The following FGF13 variants were observed in gnomAD, a reference collection of about 807,000 sequenced individuals.
FGF13 encodes the protein fibroblast growth factor 13.
FGF13 carries 2 observed loss-of-function variants against 19.5 expected under a neutral mutation model. The observed-to-expected ratio is 0.10, with a 90% CI of 0.04 to 0.32. FGF13 has a LOEUF of 0.32. Among genes scored for constraint, FGF13 ranks in the 10% least tolerant of loss-of-function variants. The probability of loss-of-function intolerance (pLI) is 1.00; values close to 1 mark genes in which losing one functional copy is unlikely to be tolerated. For synonymous variants in FGF13, 72 were observed against 76.9 expected (o/e 0.94, Z 0.33); for missense variants, 113 against 192.7 (o/e 0.59, Z 2.45).
At chrX:138,768,737 T>TATATATATAA (rs2090522686) in intron 3 of FGF13, among the ~76,000 whole-genome samples, 2 of 97,593 alleles carry the variant, frequency 2.0e-5, no homozygotes, top group African/African-American at 8.6e-5. Context: ...TATATATATA[T>TATATATATAA]GATATATATA....
At chrX:138,693,066 T>C (rs2089855420) in intron 3 of FGF13, among the ~76,000 whole-genome samples, 1 of 111,677 alleles carries the variant, frequency 9.0e-6, no homozygotes, top group African/African-American at 3.3e-5. Flanking sequence ...TTACCCATTT[T>C]TGTTATTTTC....
upstream of FGF13, among the ~76,000 whole-genome samples, chrX:138,743,724 C>T (rs1163100024): frequency 9.0e-6 from 1 of 111,366 alleles, no homozygotes; most frequent in African/African-American, 3.3e-5. Context: ...TACTGGGTAC[C>T]TAATATATTC....
At chrX:139,032,666 CA>C (rs1176298983) in intron 1 of FGF13, among the ~76,000 whole-genome samples, 1 of 110,731 alleles carries the variant, frequency 9.0e-6, no homozygotes, top group African/African-American at 3.3e-5. Flanking sequence ...AGGCATCAAC[CA>C]AGTCACTGAG....
intron 1 of FGF13, among the ~76,000 whole-genome samples, chrX:138,720,449 G>A (rs2090139892): frequency 9.0e-6 from 1 of 111,683 alleles, no homozygotes; most frequent in African/African-American, 3.3e-5. Flanking sequence ...GAGTGGTGGA[G>A]TCAGAATTTA....
At chrX:138,750,183 C>T (rs1001044738) in intron 3 of FGF13, among the ~76,000 whole-genome samples, 2 of 111,086 alleles carry the variant, frequency 1.8e-5, no homozygotes, top group African/African-American at 6.6e-5. Flanking sequence ...GATTGGGCAA[C>T]AGGATGGTTG....
chrX:138,778,645 G>A (rs1379682952), intron 3 of FGF13, among the ~76,000 whole-genome samples: 6 of 112,237 alleles, frequency 5.3e-5, no homozygotes, highest in African/African-American at 1.3e-4. Context: ...AATATATCCC[G>A]CACCTGGCTC....
intron 1 of FGF13, among the ~76,000 whole-genome samples, chrX:138,891,284 C>CA (rs952696454): frequency 1.1e-4 from 12 of 110,678 alleles, no homozygotes; most frequent in Non-Finnish European, 1.5e-4. Context: ...GACTCCGACT[C>CA]AAAAAACAGA....
intron 3 of FGF13, among the ~76,000 whole-genome samples, chrX:138,681,559 T>C (rs927887958): frequency 8.8e-6 from 1 of 113,193 alleles, no homozygotes; most frequent in African/African-American, 3.2e-5. Context: ...GTAGCACTTT[T>C]ACTTTCCTTC....
intron 1 of FGF13, among the ~76,000 whole-genome samples, chrX:139,058,314 A>G (rs1426876786): frequency 8.9e-6 from 1 of 111,900 alleles, no homozygotes; most frequent in African/African-American, 3.2e-5. Flanking sequence ...AGATATTTTA[A>G]ATATAAAAGA....
intron 3 of FGF13, among the ~76,000 whole-genome samples, chrX:138,672,282 GGA>G (rs1569360230): frequency 9.0e-6 from 1 of 111,623 alleles, no homozygotes; most frequent in Non-Finnish European, 1.9e-5. Context: ...CACAAAGTGG[GGA>G]GGCATAAGGA....
At chrX:138,713,059 C>T (rs17497235), upstream of FGF13, among the ~76,000 whole-genome samples, 1 of 112,460 alleles carries the variant, frequency 8.9e-6, no homozygotes, top group Non-Finnish European at 1.9e-5. Flanking sequence ...CACTGTGTGT[C>T]TGCAAGGCAG....
At chrX:138,921,995 A>AAT (rs1205267033) in intron 1 of FGF13, among the ~76,000 whole-genome samples, 1 of 104,991 alleles carries the variant, frequency 9.5e-6, no homozygotes, top group African/African-American at 3.4e-5. Context: ...AAAACAACAA[A>AAT]ACAACAACAA....
chrX:139,118,461 C>T (rs2083654970), intron 1 of FGF13, among the ~76,000 whole-genome samples: 1 of 111,388 alleles, frequency 9.0e-6, no homozygotes, highest in East Asian at 2.8e-4. Flanking sequence ...GGAGACTCCA[C>T]AAAAGAGGAA....
At chrX:139,159,306 C>T (rs771821624) in intron 1 of FGF13, among the ~76,000 whole-genome samples, 1 of 111,979 alleles carries the variant, frequency 8.9e-6, no homozygotes, top group Admixed American at 9.5e-5. Context: ...GCAGGTCTGC[C>T]TTACAAGAGT....
intron 2 of FGF13, among the ~76,000 whole-genome samples, chrX:138,861,058 A>G (rs2091285880): frequency 8.9e-6 from 1 of 112,594 alleles, no homozygotes; most frequent in Admixed American, 9.4e-5. Context: ...GTTATAAGCA[A>G]CTTTTATAAA....
chrX:138,850,680 T>C (rs888243500), intron 3 of FGF13, among the ~76,000 whole-genome samples: 2 of 112,072 alleles, frequency 1.8e-5, no homozygotes, highest in Non-Finnish European at 3.8e-5. Flanking sequence ...AATAAAAAGG[T>C]TGAGAACAAA....
intron 1 of FGF13, among the ~76,000 whole-genome samples, chrX:138,933,420 T>C (rs1281799691): frequency 8.9e-6 from 1 of 111,845 alleles, no homozygotes; most frequent in African/African-American, 3.3e-5. Context: ...TTCTGTAGTG[T>C]AGACTGGGAG....
At chrX:139,184,092 G>C (rs1031003019) in intron 1 of FGF13, among the ~76,000 whole-genome samples, 4 of 112,255 alleles carry the variant, frequency 3.6e-5, no homozygotes, top group African/African-American at 1.3e-4. Flanking sequence ...TGGTATGCTT[G>C]AATTTGCAAA....
intron 3 of FGF13, among the ~76,000 whole-genome samples, chrX:138,641,955 T>A (rs2089255460): frequency 9.0e-6 from 1 of 111,446 alleles, no homozygotes; most frequent in African/African-American, 3.3e-5. Flanking sequence ...GTGAAACAAA[T>A]AAATTAAAAA....
Sources: gnomAD v4.1 joint callset for allele counts (sites outside exome capture counted in the v4.1 genomes callset) on GRCh38, gnomAD v4.1.1 for gene constraint, MANE v1.5 for transcripts, NCBI Gene and HGNC (gene_info 2026-07-23, HGNC 2026-07-21) for gene names.